The following PGLYRP1 variants were observed in gnomAD, a reference collection of about 807,000 sequenced individuals.
The protein encoded by PGLYRP1 is TNF superfamily, member 3 (LTB)-like (peptidoglycan recognition protein).
PGLYRP1 carries 18 observed loss-of-function variants against 16.3 expected under a neutral mutation model. The observed-to-expected ratio is 1.11, with a 90% CI of 0.77 to 1.64. PGLYRP1 has a LOEUF of 1.64. PGLYRP1 is among the 40% of genes most tolerant of loss of function. The probability of loss-of-function intolerance (pLI) is 0.00; values close to 1 mark genes in which losing one functional copy is unlikely to be tolerated. For missense variants in PGLYRP1, 261 were observed against 268.6 expected (o/e 0.97, Z 0.20); for synonymous variants, 89 against 105.7 (o/e 0.84, Z 0.97).
chr19:46,022,886 A>T lies in PGLYRP1; in HGVS notation c.136T>A (p.Cys46Ser), dbSNP rs1366225503. Residue 46 changes from cysteine (C) to serine (S), a missense_variant, in exon 1 of 3, where the codon TGC becomes AGC. Physicochemically the swap from Cys to Ser is moderately radical, Grantham distance 112. Transcript: ENST00000008938. ...AAGGGCAGGCTCAGGTGCTGGGCGC[A>T]CTCTGATGCCAGGGCCTTCCACTCG... ...RNEWKALASE[C>S]AQHLSLPLRY... 6.2e-7 allele frequency: 1 copy of T among 1,612,890 alleles called. No homozygotes were observed. The highest frequency in any genetic ancestry group is 1.1e-5 in the South Asian group (1 of 90,922).
intron 1 of PGLYRP1, chr19:46,021,109 G>A (rs931457351): frequency 4.6e-5 from 7 of 152,288 alleles, no homozygotes; most frequent in Admixed American, 1.3e-4. Context: ...AGAGAGAGAA[G>A]GTGACGTGAC....
intron 1 of PGLYRP1, among the ~76,000 whole-genome samples, chr19:46,021,999 T>C (rs886452709): frequency 3.3e-5 from 5 of 152,126 alleles, no homozygotes; most frequent in Admixed American, 6.5e-5. Flanking sequence ...GTGGGTCTGG[T>C]CCCAGCCTGA....
At chr19:46,020,710 G>A (rs932680941) in intron 1 of PGLYRP1, among the ~76,000 whole-genome samples, 13 of 152,224 alleles carry the variant, frequency 8.5e-5, no homozygotes, top group African/African-American at 3.1e-4. Flanking sequence ...TGGCAAATGG[G>A]AATGAACTAG....
rs1600659657 is a variant in PGLYRP1 at position 46,019,749 on chromosome 19, C to T, written c.288-102G>A. 4.1e-6 allele frequency: 5 copies of T among 1,214,654 alleles called. No homozygotes were observed. Among genetic ancestry groups the T allele is most frequent in the Non-Finnish European group, 5.7e-6 (5 of 876,562 alleles). 75.2% of individuals were successfully genotyped at this position (1,214,654 alleles called of 1,614,324 possible). Reference sequence around the variant, plus strand: ...CCCTGCCTCCGTTACTGCCGTGGTGCACACAACTTCCCCAGCATCCTTCTC... The same window carrying T: ...CCCTGCCTCCGTTACTGCCGTGGTGTACACAACTTCCCCAGCATCCTTCTC... On this transcript the variant is annotated intron_variant, in intron 1 of 2. Coordinates refer to ENST00000008938, the MANE Select transcript of PGLYRP1 (RefSeq NM_005091.3). The surrounding 1 kb of genome is among the most constrained non-coding windows in gnomAD (Gnocchi z 4.8).
intron 1 of PGLYRP1, 24 bp downstream of exon 1, chr19:46,022,711 C>T: frequency 6.2e-7 from 1 of 1,612,882 alleles, no homozygotes; most frequent in Non-Finnish European, 8.5e-7. Context: ...CCCAGTCCAG[C>T]CCGTGCCCCC....
chr19:46,020,440 A>G (rs1969032856), intron 1 of PGLYRP1, among the ~76,000 whole-genome samples: 1 of 152,100 alleles, frequency 6.6e-6, no homozygotes, highest in African/African-American at 2.4e-5. Flanking sequence ...CCTCATCTTA[A>G]GCAGAGAGAG....
intron 1 of PGLYRP1, among the ~76,000 whole-genome samples, chr19:46,022,316 C>T (rs1268103087): frequency 6.6e-6 from 1 of 152,230 alleles, no homozygotes; most frequent in Non-Finnish European, 1.5e-5. Flanking sequence ...GCCGGGAGGA[C>T]CCGCCCCAGG....
In PGLYRP1 at chr19:46,019,616, C is replaced by T. The variant is rs201257064; in HGVS notation, c.319G>A (p.Glu107Lys). The T allele has an allele frequency of 4.3e-5, 70 of 1,613,770 alleles. No homozygotes were observed. The highest frequency in any genetic ancestry group is 1.7e-4 in the Admixed American group (10 of 59,990). The change falls in exon 2 of 3, where the codon GAG becomes AAG. Residue 107 changes from glutamate to lysine, a missense_variant. By Grantham distance (56) the Glu-to-Lys change is moderately conservative. Transcript: ENST00000008938. This position sits in a 1 kb window ranked among gnomAD's most constrained non-coding sequence, Gnocchi z 4.8. ...CCCGTGAAGTTCCAGCCACGGCCCTCGTATACGAGCCCGTCTTCTCCAATC... is the reference window on the plus strand; with the variant it reads ...CCCGTGAAGTTCCAGCCACGGCCCTTGTATACGAGCCCGTCTTCTCCAATC... ...FLIGEDGLVYEGRGWNFTGAH... is the reference protein window; with the variant it reads ...FLIGEDGLVYKGRGWNFTGAH...
chr19:46,022,618 CAG>C (rs1363350530), intron 1 of PGLYRP1, 115 bp downstream of exon 1: 1 of 1,168,546 alleles, frequency 8.6e-7, no homozygotes, highest in Non-Finnish European at 1.2e-6. Context: ...GTAAGCTGCT[CAG>C]GGTGTCAGCC....
intron 1 of PGLYRP1, 136 bp downstream of exon 1, chr19:46,022,599 T>G: frequency 1.5e-5 from 14 of 933,240 alleles, no homozygotes; most frequent in Non-Finnish European, 2.3e-5. Flanking sequence ...AATGACCTTG[T>G]GAGGTTCAGT....
Position 46,019,420 on chromosome 19 carries a change from C to T in PGLYRP1, c.410-1G>A. 2 of 1,613,102 alleles carry T rather than the reference C, an allele frequency of 1.2e-6. No individual in the cohort carries two copies. Among genetic ancestry groups the T allele is most frequent in the Admixed American group, 1.7e-5 (1 of 59,974 alleles). ...ATGGCCTGGGGTGTGGGCACCCGAT[C>T]TGGAGGAGGCAGAGGTAGGAGTCAG... On this transcript the variant is annotated splice_acceptor_variant, in intron 2 of 2. Transcript: ENST00000008938. LOFTEE classifies it high-confidence loss of function. The surrounding 1 kb of genome is among the most constrained non-coding windows in gnomAD (Gnocchi z 4.8).
In PGLYRP1 at chr19:46,022,868, G is replaced by A. The variant is rs1163526473; in HGVS notation, c.154C>T (p.Leu52=). Residue 52 remains leucine, a synonymous_variant, in exon 1 of 3, where the codon CTG becomes TTG. Transcript: ENST00000008938. ...LASECAQHLS[L]PLRYVVVSHT... ...GATACCACCACATAGCGTAAGGGCA[G>A]GCTCAGGTGCTGGGCGCACTCTGAT... 6 of 1,613,380 alleles carry A rather than the reference G, an allele frequency of 3.7e-6. No homozygotes were observed. The South Asian group carries it at 6.6e-5, about 18-fold the overall frequency.
rs762968093 is a variant in PGLYRP1, at chr19:46,019,201, A to C, written c.*37T>G. The stretch of plus-strand genomic sequence containing the variant: ...GAAGGAGACAGTGGGGTTTTTGGCC[A>C]TGGGAGGGGAGGAATGGGGTGCGGA... On this transcript the variant is annotated 3_prime_UTR_variant, in exon 3 of 3. Coordinates refer to ENST00000008938, the MANE Select transcript of PGLYRP1 (RefSeq NM_005091.3). The surrounding 1 kb of genome is among the most constrained non-coding windows in gnomAD (Gnocchi z 4.8). 6.3e-7 allele frequency: 1 copy of C among 1,596,358 alleles called. No homozygotes were observed. Among genetic ancestry groups the C allele is most frequent in the South Asian group, 1.1e-5 (1 of 90,494 alleles).
At position 46,019,589 on chromosome 19, in the gene PGLYRP1, C is replaced by T. The variant is rs374335177; in HGVS notation, c.346G>A (p.Ala116Thr). 52 of 1,614,010 alleles carry T rather than the reference C, an allele frequency of 3.2e-5. No individual in the cohort carries two copies. The highest frequency in any genetic ancestry group is 4.2e-5 in the Non-Finnish European group (50 of 1,179,956). ...YEGRGWNFTG[A>T]HSGHLWNPMS... ...GGGTTCCATAAGTGACCTGAGTGGG[C>T]ACCCGTGAAGTTCCAGCCACGGCCC... Residue 116 changes from alanine (A) to threonine (T), a missense_variant, in exon 2 of 3, where the codon GCC becomes ACC. Physicochemically the swap from Ala to Thr is moderately conservative, Grantham distance 58 (BLOSUM62 0). Transcript: ENST00000008938. This position sits in a 1 kb window ranked among gnomAD's most constrained non-coding sequence, Gnocchi z 4.8.
intron 1 of PGLYRP1, among the ~76,000 whole-genome samples, chr19:46,022,113 G>A (rs541608184): frequency 8.5e-5 from 13 of 152,322 alleles, no homozygotes; most frequent in African/African-American, 2.9e-4. Flanking sequence ...TCAACCCCAG[G>A]AGGCTAGAGT....
intron 1 of PGLYRP1, 117 bp downstream of exon 1, chr19:46,022,618 C>G (rs1468945832): frequency 8.6e-7 from 1 of 1,168,546 alleles, no homozygotes; most frequent in African/African-American, 1.5e-5. Flanking sequence ...GTAAGCTGCT[C>G]AGGGTGTCAG....
At chr19:46,020,022 C>T (rs777815510) in intron 1 of PGLYRP1, among the ~76,000 whole-genome samples, 33 of 151,790 alleles carry the variant, frequency 2.2e-4, no homozygotes, top group Admixed American at 7.2e-4. Context: ...TGATCTTGTG[C>T]GTTGCTCTCT....
At chr19:46,020,421 T>G (rs969691332) in intron 1 of PGLYRP1, among the ~76,000 whole-genome samples, 1 of 152,140 alleles carries the variant, frequency 6.6e-6, no homozygotes, top group African/African-American at 2.4e-5. Context: ...AGGCAGGGAC[T>G]CTTATCATCC....
Position 46,023,029 on chromosome 19 carries a change from G to A in PGLYRP1, c.-8C>T. ...CATAGAGCGGCGGGACATAGTGGCA[G>A]GGCGGCAGGGTCCGGGAGACCGCTA... On this transcript the variant is annotated 5_prime_UTR_variant, in exon 1 of 3. Transcript: ENST00000008938. The A allele has an allele frequency of 6.6e-7, 1 of 1,521,142 alleles. No individual in the cohort carries two copies. Among genetic ancestry groups the A allele is most frequent in the Non-Finnish European group, 8.8e-7 (1 of 1,134,468 alleles). The allele number at this position is 1,521,142 out of a possible 1,614,324, so 94.2% of individuals were successfully genotyped here.
Sources: allele counts gnomAD v4.1 joint callset (sites outside exome capture counted in the v4.1 genomes callset), GRCh38; gene constraint gnomAD v4.1.1; non-coding constraint Gnocchi (gnomAD v3.1); transcripts MANE v1.5; gene names NCBI Gene and HGNC (gene_info 2026-07-23, HGNC 2026-07-21).